The following CCDC77 variants were observed in gnomAD, a reference collection of about 807,000 sequenced individuals.
CCDC77 encodes coiled-coil domain-containing protein 77.
In CCDC77, 56 loss-of-function variants were observed where a neutral mutation model predicts 66.8. The ratio of observed to expected loss-of-function variants is 0.84; its 90% CI spans 0.68 to 1.05. CCDC77 has a LOEUF of 1.05. Ranked by LOEUF, CCDC77 falls within the 50% of genes least tolerant of loss-of-function variation. The pLI is 0.00. For synonymous variants in CCDC77, 196 were observed against 195.2 expected (o/e 1.00, Z -0.03); for missense variants, 570 against 576.8 (o/e 0.99, Z 0.12).
rs374401383 is a variant in CCDC77, at chr12:411,850, C to A, written c.142C>A (p.Arg48Ser). The A allele has an allele frequency of 4.3e-6, 7 of 1,613,878 alleles. No individual in the cohort carries two copies. The East Asian group carries it at 6.7e-5, about 15-fold the overall frequency. The change falls in exon 4 of 13, where the codon CGT becomes AGT. Residue 48 changes from arginine (R) to serine (S), a missense_variant. By Grantham distance (110) the Arg-to-Ser change is moderately radical (BLOSUM62 -1). Coordinates refer to ENST00000239830, the MANE Select transcript of CCDC77 (RefSeq NM_032358.4). ...AACCCCCTTGCCTTCCCCCGAAGATCGTCTGGCCAAACTCCATCCTTCTAA... is the reference window on the plus strand; with the variant it reads ...AACCCCCTTGCCTTCCCCCGAAGATAGTCTGGCCAAACTCCATCCTTCTAA... ...ESTPLPSPED[R>S]LAKLHPSKEL...
chr12:393,812 G>A lies in CCDC77; in HGVS notation c.-113+4326G>A, dbSNP rs141057905. On this transcript the variant is annotated intron_variant, in intron 1 of 11. Transcript: ENST00000422000. The stretch of plus-strand genomic sequence containing the variant: ...CTCCCAATGTGCTAGGATTACAGGC[G>A]TGAGCCACTGCGTCCAGCCAATCTT... Among the ~76,000 whole-genome samples the A allele has an allele frequency of 3.0e-3, 462 of 152,282 alleles. 1 individual carries two copies. Among genetic ancestry groups the A allele is most frequent in the African/African-American group, 0.01 (428 of 41,558 alleles).
At chr12:409,593 T>G in intron 3 of CCDC77, 172 bp downstream of exon 3, 2 of 626,454 alleles carry the variant, frequency 3.2e-6, no homozygotes, top group Non-Finnish European at 5.6e-6. Context: ...CATTGCTCAT[T>G]GCAGCCTTGA....
chr12:437,865 AGT>A (rs1402015688), intron 9 of CCDC77, among the ~76,000 whole-genome samples: 5 of 150,850 alleles, frequency 3.3e-5, no homozygotes, highest in African/African-American at 9.7e-5. Context: ...AAAAAAAAAA[AGT>A]TCTTTTTAAA....
At chr12:440,329 A>G (rs534805418) in intron 10 of CCDC77, among the ~76,000 whole-genome samples, 3 of 152,338 alleles carry the variant, frequency 2.0e-5, no homozygotes, top group African/African-American at 7.2e-5. Flanking sequence ...CAAAACATAT[A>G]TTGTAATGTC....
rs150098412 is a variant in CCDC77, at chr12:423,553, C to T, written c.413+4917C>T. 4.6e-3 allele frequency among the ~76,000 whole-genome samples: 625 copies of T among 135,222 alleles called. 3 individuals carry two copies. Among genetic ancestry groups the T allele is most frequent in the African/African-American group, 0.016 (573 of 35,790 alleles). The allele number at this position is 135,222 out of a possible 152,430, so 88.7% of individuals were successfully genotyped here. ...CTCAGTCACCCAGGCTGGAGTGCAG[C>T]GGCATGATCACAGCTCACTGCAGCC... On this transcript the variant is annotated intron_variant, in intron 5 of 12. Coordinates refer to ENST00000239830, the MANE Select transcript of CCDC77 (RefSeq NM_032358.4).
chr12:400,286 T>C (rs1944878871), upstream of CCDC77, among the ~76,000 whole-genome samples: 1 of 152,228 alleles, frequency 6.6e-6, no homozygotes, highest in African/African-American at 2.4e-5. Flanking sequence ...ACTCAAACTT[T>C]CTCTATATCA....
intron 9 of CCDC77, 129 bp downstream of exon 9, chr12:433,451 A>G (rs937572079): frequency 1.6e-5 from 23 of 1,453,464 alleles, no homozygotes; most frequent in Non-Finnish European, 2.0e-5. Context: ...TGTCTTCCTC[A>G]GAAACCCCCG....
chr12:406,567 T>C (rs1346418817), intron 2 of CCDC77, among the ~76,000 whole-genome samples: 1 of 152,180 alleles, frequency 6.6e-6, no homozygotes, highest in Non-Finnish European at 1.5e-5. Context: ...TGAAAAGTCA[T>C]TGGAGGCTTT....
chr12:404,939 C>T (rs1490313164), intron 1 of CCDC77, among the ~76,000 whole-genome samples: 2 of 152,066 alleles, frequency 1.3e-5, no homozygotes, highest in African/African-American at 4.8e-5. Context: ...TCAGGCTGGT[C>T]TTGAATTCCT....
intron 9 of CCDC77, among the ~76,000 whole-genome samples, chr12:437,334 G>A (rs941447352): frequency 1.3e-5 from 2 of 152,108 alleles, no homozygotes; most frequent in African/African-American, 4.8e-5. Context: ...TATTATCCTT[G>A]ACAATCTCAT....
At chr12:434,170 A>G (rs550722929) in intron 9 of CCDC77, among the ~76,000 whole-genome samples, 50 of 152,216 alleles carry the variant, frequency 3.3e-4, no homozygotes, top group African/African-American at 1.1e-3. Context: ...TTTAAAAAAA[A>G]AAGGTTATTT....
At chr12:414,761 T>C (rs530366653) in intron 4 of CCDC77, among the ~76,000 whole-genome samples, 15 of 152,078 alleles carry the variant, frequency 9.9e-5, no homozygotes, top group African/African-American at 3.6e-4. Flanking sequence ...ATTTGGCAAG[T>C]CCTGTTGATT....
chr12:397,710 G>A (rs61907059), upstream of CCDC77, among the ~76,000 whole-genome samples: 5,022 of 151,588 alleles, frequency 0.033, 138 homozygotes, highest in Non-Finnish European at 0.054. Context: ...GCAGTGGCGC[G>A]ATCTCAGCTC....
At chr12:432,744 C>T (rs2137608225) in intron 8 of CCDC77, among the ~76,000 whole-genome samples, 1 of 152,258 alleles carries the variant, frequency 6.6e-6, no homozygotes, top group African/African-American at 2.4e-5. Context: ...ATTTATAAGA[C>T]ATTAAGAGGA....
At chr12:400,919 G>A (rs1475032893), upstream of CCDC77, among the ~76,000 whole-genome samples, 1 of 152,132 alleles carries the variant, frequency 6.6e-6, no homozygotes, top group Non-Finnish European at 1.5e-5. Context: ...AGGAAAGTGC[G>A]AGCCTGTAGC....
At chr12:427,281 C>T (rs529056628) in intron 5 of CCDC77, among the ~76,000 whole-genome samples, 20 of 150,588 alleles carry the variant, frequency 1.3e-4, no homozygotes, top group Admixed American at 5.3e-4. Context: ...GCCTGAAAAA[C>T]GAGTCAGAGA....
upstream of CCDC77, among the ~76,000 whole-genome samples, chr12:399,497 A>G (rs986578026): frequency 2.6e-5 from 4 of 152,156 alleles, no homozygotes; most frequent in Non-Finnish European, 5.9e-5. Context: ...TAAGACCTGA[A>G]AGTCAAAATG....
At chr12:441,677 A>T in intron 12 of CCDC77, 97 bp from the exon 13 acceptor site, 2 of 1,327,472 alleles carry the variant, frequency 1.5e-6, no homozygotes, top group East Asian at 4.7e-5. Context: ...AAAATCTCAC[A>T]AAAAGGAGCT....
At chr12:392,779 C>A (rs1285283390) in intron 1 of CCDC77, among the ~76,000 whole-genome samples, 2 of 151,730 alleles carry the variant, frequency 1.3e-5, no homozygotes, top group African/African-American at 2.4e-5. Flanking sequence ...CCCCAAAGTT[C>A]TTGTTTATAT....
Sources: gnomAD v4.1 joint callset for allele counts (sites outside exome capture counted in the v4.1 genomes callset) on GRCh38, gnomAD v4.1.1 for gene constraint, MANE v1.5 for transcripts, NCBI Gene and HGNC (gene_info 2026-07-23, HGNC 2026-07-21) for gene names.